Variants in CNTN5 observed in about 807,000 individuals in gnomAD.
CNTN5 encodes the protein contactin-5.
A neutral mutation model predicts 129.1 loss-of-function variants in CNTN5; 77 were observed. The ratio of observed to expected loss-of-function variants is 0.60; its 90% CI spans 0.50 to 0.72. The LOEUF is 0.72. CNTN5 is among the 30% of genes least tolerant of loss of function. The probability of loss-of-function intolerance (pLI) is 0.00; values close to 1 mark genes in which losing one functional copy is unlikely to be tolerated. For synonymous variants in CNTN5, 509 were observed against 465.6 expected (o/e 1.09, Z -1.20); for missense variants, 1,478 against 1,328.8 (o/e 1.11, Z -1.75).
intron 2 of CNTN5, among the ~76,000 whole-genome samples, chr11:99,471,868 G>A (rs1181031012): frequency 6.6e-6 from 1 of 152,010 alleles, no homozygotes; most frequent in African/African-American, 2.4e-5. Context: ...TTATATCTCT[G>A]TTTGTCACAG....
chr11:99,463,924 GAATAT>G (rs1275815037), intron 2 of CNTN5, among the ~76,000 whole-genome samples: 3 of 152,082 alleles, frequency 2.0e-5, no homozygotes, highest in Admixed American at 6.5e-5. Context: ...TGATTTTTCT[GAATAT>G]AAAAATGATC....
At chr11:100,191,055 C>T in intron 13 of CNTN5, 71 bp from the exon 14 acceptor site, 1 of 1,063,010 alleles carries the variant, frequency 9.4e-7, no homozygotes, top group African/African-American at 1.6e-5. Flanking sequence ...TTTTAGACTT[C>T]ATCATTGGTT....
intron 6 of CNTN5, among the ~76,000 whole-genome samples, chr11:99,859,482 T>C (rs1447181520): frequency 6.6e-6 from 1 of 152,152 alleles, no homozygotes; most frequent in Non-Finnish European, 1.5e-5. Context: ...TGGAACCCAG[T>C]AGTTAGTTTC....
At chr11:99,665,033 A>C (rs184602126) in intron 3 of CNTN5, among the ~76,000 whole-genome samples, 1 of 152,314 alleles carries the variant, frequency 6.6e-6, no homozygotes, top group African/African-American at 2.4e-5. Context: ...ATATGTAATT[A>C]TGTTTAGAAA....
chr11:100,006,054 T>C (rs1442307292), intron 9 of CNTN5, among the ~76,000 whole-genome samples: 1 of 152,132 alleles, frequency 6.6e-6, no homozygotes, highest in East Asian at 1.9e-4. Context: ...AATTTTTTGG[T>C]TTTCCAGAGC....
At chr11:99,188,877 T>C (rs900794291) in intron 1 of CNTN5, among the ~76,000 whole-genome samples, 1 of 151,774 alleles carries the variant, frequency 6.6e-6, no homozygotes, top group African/African-American at 2.4e-5. Context: ...TCTACTCTCT[T>C]AGGAATTTTC....
At chr11:100,061,077 C>A in intron 9 of CNTN5, 135 bp from the exon 10 acceptor site, 1 of 609,026 alleles carries the variant, frequency 1.6e-6, no homozygotes, top group South Asian at 5.0e-5. Flanking sequence ...TGAAATATAT[C>A]AACCAGCACA....
intron 13 of CNTN5, among the ~76,000 whole-genome samples, chr11:100,119,257 T>G (rs1463503859): frequency 2.6e-5 from 4 of 151,882 alleles, no homozygotes; most frequent in Non-Finnish European, 5.9e-5. Context: ...AAACACATAT[T>G]ACTACAGCCA....
chr11:99,855,785 T>C (rs567806361), intron 6 of CNTN5, among the ~76,000 whole-genome samples: 164 of 152,266 alleles, frequency 1.1e-3, no homozygotes, highest in African/African-American at 3.8e-3. Context: ...CACTCTCACA[T>C]CTTGACCTAT....
chr11:99,639,754 A>C (rs1951702646), intron 3 of CNTN5, among the ~76,000 whole-genome samples: 1 of 151,672 alleles, frequency 6.6e-6, no homozygotes, highest in South Asian at 2.1e-4. Context: ...AGTGGAGATG[A>C]GGTTTCACCA....
chr11:99,926,316 G>C (rs768857534), intron 7 of CNTN5, among the ~76,000 whole-genome samples: 59 of 152,114 alleles, frequency 3.9e-4, no homozygotes, highest in Non-Finnish European at 6.8e-4. Context: ...TTAAGAAGGG[G>C]AAGGGATCAA....
intron 3 of CNTN5, among the ~76,000 whole-genome samples, chr11:99,743,767 T>C (rs949890821): frequency 2.0e-5 from 3 of 152,178 alleles, no homozygotes; most frequent in Admixed American, 1.3e-4. Flanking sequence ...AACTCCCTAA[T>C]GATAAAGGCA....
At chr11:100,033,743 C>T (rs542763524) in intron 9 of CNTN5, among the ~76,000 whole-genome samples, 2 of 152,316 alleles carry the variant, frequency 1.3e-5, no homozygotes, top group East Asian at 3.9e-4. Flanking sequence ...TGTATTTTCC[C>T]TAGCCTTACT....
rs147808784 is a variant in CNTN5 at position 99,984,054 on chromosome 11, G to T, written c.878-17980G>T. Reference sequence around the variant, plus strand: ...AGGCTGAGGCAGGCAGATCACTTGAGGTCAGGAGTTTGAGACCAGCCCGGC... The same window carrying T: ...AGGCTGAGGCAGGCAGATCACTTGATGTCAGGAGTTTGAGACCAGCCCGGC... On this transcript the variant is annotated intron_variant, in intron 8 of 24. Coordinates refer to ENST00000524871, the MANE Select transcript of CNTN5 (RefSeq NM_014361.4). 7.8e-3 allele frequency among the ~76,000 whole-genome samples: 1,182 copies of T among 152,248 alleles called. 11 individuals are homozygous for T. The highest frequency in any genetic ancestry group is 0.027 in the African/African-American group (1,121 of 41,546).
At chr11:99,313,037 CAAT>C (rs1397645349) in intron 1 of CNTN5, among the ~76,000 whole-genome samples, 1 of 151,464 alleles carries the variant, frequency 6.6e-6, no homozygotes, top group African/African-American at 2.4e-5. Flanking sequence ...ACACTACACT[CAAT>C]TATACTCGAT....
At chr11:99,757,470 A>G (rs975701107) in intron 3 of CNTN5, among the ~76,000 whole-genome samples, 3 of 151,338 alleles carry the variant, frequency 2.0e-5, no homozygotes, top group Non-Finnish European at 2.9e-5. Context: ...TAACTTGATT[A>G]TATCTACAAA....
intron 3 of CNTN5, among the ~76,000 whole-genome samples, chr11:99,815,779 T>A (rs1045217498): frequency 2.0e-5 from 3 of 152,196 alleles, no homozygotes; most frequent in African/African-American, 7.2e-5. Flanking sequence ...GGATGAAACA[T>A]AACTGAATCC....
intron 1 of CNTN5, among the ~76,000 whole-genome samples, chr11:99,283,095 C>G (rs1312384508): frequency 1.3e-5 from 2 of 151,990 alleles, no homozygotes; most frequent in African/African-American, 4.8e-5. Flanking sequence ...TGGAAATAGT[C>G]CATTGGTCCT....
intron 3 of CNTN5, among the ~76,000 whole-genome samples, chr11:99,808,258 G>T (rs1946330550): frequency 6.6e-6 from 1 of 151,948 alleles, no homozygotes; most frequent in Non-Finnish European, 1.5e-5. Flanking sequence ...GATGATGAGA[G>T]TGACATATTA....
Sources: allele counts gnomAD v4.1 joint callset (sites outside exome capture counted in the v4.1 genomes callset), GRCh38; gene constraint gnomAD v4.1.1; transcripts MANE v1.5; gene names NCBI Gene and HGNC (gene_info 2026-07-23, HGNC 2026-07-21).